The following FAM184A variants were observed in gnomAD, a reference collection of about 807,000 sequenced individuals.
FAM184A encodes the protein protein FAM184A.
Under a neutral mutation model 143.8 loss-of-function variants are expected in FAM184A, and 99 were observed. That is an observed-to-expected ratio of 0.69 (90% confidence interval 0.58 to 0.81). The LOEUF (loss-of-function observed/expected upper bound fraction) is 0.81. Among genes scored for constraint, FAM184A ranks in the 40% least tolerant of loss-of-function variants. FAM184A has a pLI of 0.00. For missense variants in FAM184A, 1,217 were observed against 1,310.5 expected, an observed-to-expected ratio of 0.93 and a Z score of 1.10; for synonymous variants, 427 against 446.4, an observed-to-expected ratio of 0.96 and a Z score of 0.55.
At chr6:119,119,814 C>CA (rs1161829084) in intron 1 of FAM184A, among the ~76,000 whole-genome samples, 2 of 151,346 alleles carry the variant, frequency 1.3e-5, no homozygotes, top group African/African-American at 2.4e-5. Context: ...CTACAAAATA[C>CA]AAAAAAATAA....
At chr6:119,015,051 G>A (rs1189332273) in intron 5 of FAM184A, among the ~76,000 whole-genome samples, 4 of 149,942 alleles carry the variant, frequency 2.7e-5, no homozygotes, top group South Asian at 2.1e-4. Flanking sequence ...GAGACAGAGC[G>A]AGACTCTGTC....
rs749022968 is a variant in FAM184A, at chr6:119,028,005, GC to G, written c.160-3193del. On this transcript the variant is annotated intron_variant, in intron 1 of 17. Transcript: ENST00000338891. ...GAGTGCCCCCCACTTCAAATGTCCT[GC>G]CCTTTTAAGCTTAAGCCAATGTGTA... 5.8e-4 allele frequency among the ~76,000 whole-genome samples: 88 copies of G among 152,280 alleles called. 1 individual carries two copies. Among genetic ancestry groups the G allele is most frequent in the Non-Finnish European group, 1.2e-3 (80 of 68,010 alleles).
At chr6:119,112,079 GTTA>G (rs1412095362) in intron 1 of FAM184A, among the ~76,000 whole-genome samples, 3 of 151,562 alleles carry the variant, frequency 2.0e-5, no homozygotes, top group Non-Finnish European at 2.9e-5. Context: ...CATGAAATGT[GTTA>G]TTATTATACA....
At chr6:119,126,853 G>C (rs1789380569) in intron 1 of FAM184A, among the ~76,000 whole-genome samples, 1 of 152,206 alleles carries the variant, frequency 6.6e-6, no homozygotes, top group Non-Finnish European at 1.5e-5. Context: ...GCAGGAAGGG[G>C]AGCTGGAAAA....
At chr6:118,991,235 G>T (rs1021070234) in intron 9 of FAM184A, among the ~76,000 whole-genome samples, 1 of 151,074 alleles carries the variant, frequency 6.6e-6, no homozygotes, top group African/African-American at 2.4e-5. Flanking sequence ...CGATCTCGGC[G>T]CACTGCAACC....
chr6:119,078,567 C>T lies in FAM184A; in HGVS notation c.-268G>A, dbSNP rs1050149961. 5 of 275,584 alleles carry T rather than the reference C, an allele frequency of 1.8e-5. No homozygotes were observed. The highest frequency in any genetic ancestry group is 8.9e-5 in the African/African-American group (4 of 44,916). 17.1% of individuals were successfully genotyped at this position (275,584 alleles called of 1,614,324 possible). ...CGGCGGCGGCCGGGGGCCGGGCCAGCTCTTGGAGGCTCCTCGGCCCGCGCC... is the reference window on the plus strand; with the variant it reads ...CGGCGGCGGCCGGGGGCCGGGCCAGTTCTTGGAGGCTCCTCGGCCCGCGCC... On this transcript the variant is annotated 5_prime_UTR_variant, in exon 1 of 18. Transcript: ENST00000338891. The surrounding 1 kb of genome is among the most constrained non-coding windows in gnomAD (Gnocchi z 5.5).
chr6:118,965,141 AATCTTT>A (rs1583758706), intron 15 of FAM184A, among the ~76,000 whole-genome samples: 2 of 151,898 alleles, frequency 1.3e-5, no homozygotes, highest in African/African-American at 4.8e-5. Flanking sequence ...CTATATCATT[AATCTTT>A]ATTTCCATTT....
intron 1 of FAM184A, among the ~76,000 whole-genome samples, chr6:119,144,571 C>T (rs1772360681): frequency 6.6e-6 from 1 of 152,204 alleles, no homozygotes; most frequent in African/African-American, 2.4e-5. Flanking sequence ...ACTGACAGTG[C>T]TAGGTTCTTT....
chr6:119,094,326 C>T (rs980734923), intron 1 of FAM184A, among the ~76,000 whole-genome samples: 1 of 152,106 alleles, frequency 6.6e-6, no homozygotes. Flanking sequence ...AGTTGGCTGA[C>T]CTGAACTCGT....
Position 119,133,610 on chromosome 6 carries a change from GC to G in FAM184A, c.-202+15467del, listed in dbSNP as rs529359587. Among the ~76,000 whole-genome samples, 682 of 152,106 alleles carry G rather than the reference GC, an allele frequency of 4.5e-3. 5 individuals carry two copies. The highest frequency in any genetic ancestry group is 0.017 in the Middle Eastern group (5 of 294). Reference sequence around the variant, plus strand: ...GTTAACCAGTTACCTGAGGTAGGCTGCCCCAAGAAATGGGTGTGATGTGGGC... The same window carrying G: ...GTTAACCAGTTACCTGAGGTAGGCTGCCCAAGAAATGGGTGTGATGTGGGC... On this transcript the variant is annotated intron_variant, in intron 1 of 16. Transcript: ENST00000352896.
At chr6:118,997,258 G>T in intron 9 of FAM184A, among the ~76,000 whole-genome samples, 1 of 146,292 alleles carries the variant, frequency 6.8e-6, no homozygotes, top group East Asian at 2.0e-4. Context: ...AAATAAGCCA[G>T]AGGTTGCAGT....
chr6:118,963,326 ATC>A (rs554867384), intron 16 of FAM184A: 210 of 152,158 alleles, frequency 1.4e-3, no homozygotes, highest in African/African-American at 4.3e-3. Flanking sequence ...TTTTTAGTAT[ATC>A]TTTTTTTCCA....
intron 1 of FAM184A, among the ~76,000 whole-genome samples, chr6:119,032,053 C>T (rs1468515944): frequency 6.6e-6 from 1 of 152,060 alleles, no homozygotes; most frequent in African/African-American, 2.4e-5. Flanking sequence ...GGGCGGATTA[C>T]CTGAGATCAG....
intron 1 of FAM184A, among the ~76,000 whole-genome samples, chr6:119,107,315 A>G (rs893688773): frequency 1.3e-5 from 2 of 152,220 alleles, no homozygotes; most frequent in South Asian, 2.1e-4. Flanking sequence ...AGAAAAAATT[A>G]TCTCTAAATA....
At chr6:119,109,257 T>G (rs1035457294) in intron 1 of FAM184A, among the ~76,000 whole-genome samples, 2 of 152,222 alleles carry the variant, frequency 1.3e-5, no homozygotes, top group African/African-American at 2.4e-5. Flanking sequence ...ATTATAAGTG[T>G]CATGAGACAT....
chr6:119,042,637 A>G (rs957385723), intron 1 of FAM184A, among the ~76,000 whole-genome samples: 2 of 152,224 alleles, frequency 1.3e-5, no homozygotes, highest in Non-Finnish European at 2.9e-5. Flanking sequence ...ACTATTCTAT[A>G]TAATACCACA....
chr6:119,065,310 T>C (rs1309534308), intron 1 of FAM184A, among the ~76,000 whole-genome samples: 1 of 152,032 alleles, frequency 6.6e-6, no homozygotes, highest in African/African-American at 2.4e-5. Flanking sequence ...ATGAGTGAAC[T>C]CAAAAGTAAA....
chr6:119,050,029 C>T (rs1786688992), intron 1 of FAM184A, among the ~76,000 whole-genome samples: 1 of 152,164 alleles, frequency 6.6e-6, no homozygotes, highest in Admixed American at 6.5e-5. Context: ...CATGAACAGA[C>T]ACTTTTCCAA....
intron 1 of FAM184A, among the ~76,000 whole-genome samples, chr6:119,054,791 T>C (rs146707497): frequency 2.0e-5 from 3 of 152,282 alleles, no homozygotes; most frequent in Admixed American, 6.5e-5. Context: ...GAAATTCACA[T>C]AGACTTCTTG....
Sources: allele counts gnomAD v4.1 joint callset (sites outside exome capture counted in the v4.1 genomes callset), GRCh38; gene constraint gnomAD v4.1.1; non-coding constraint Gnocchi (gnomAD v3.1); transcripts MANE v1.5; gene names NCBI Gene and HGNC (gene_info 2026-07-23, HGNC 2026-07-21).